Variants in PDHX observed in about 807,000 individuals in gnomAD.
The protein encoded by PDHX is pyruvate dehydrogenase complex component X.
In PDHX, 33 loss-of-function variants were observed where a neutral mutation model predicts 55.3. That is an observed-to-expected ratio of 0.60 (90% CI 0.45 to 0.80). The LOEUF (loss-of-function observed/expected upper bound fraction) is 0.80. Ranked by LOEUF, PDHX falls within the 30% of genes least tolerant of loss-of-function variation. The pLI, the probability that PDHX is intolerant of heterozygous loss-of-function variation, is 0.00. For missense variants in PDHX, 622 were observed against 619.9 expected, an observed-to-expected ratio of 1.00 and a Z score of -0.04; for synonymous variants, 226 against 219.4, an observed-to-expected ratio of 1.03 and a Z score of -0.27.
chr11:34,925,987 A>G (rs78772895), intron 1 of PDHX, among the ~76,000 whole-genome samples: 1,853 of 152,300 alleles, frequency 0.012, 31 homozygotes, highest in African/African-American at 0.043. Flanking sequence ...TATATTGCTT[A>G]TGGGTTATCT....
chr11:34,926,577 A>G (rs1404438723), intron 1 of PDHX, among the ~76,000 whole-genome samples: 1 of 152,140 alleles, frequency 6.6e-6, no homozygotes, highest in Non-Finnish European at 1.5e-5. Context: ...TCCCTTAATT[A>G]CTTTAGTCAG....
chr11:34,941,228 C>T (rs534839957), intron 2 of PDHX, among the ~76,000 whole-genome samples: 1 of 152,104 alleles, frequency 6.6e-6, no homozygotes, highest in Non-Finnish European at 1.5e-5. Context: ...TATTATCCTT[C>T]TTTGTGTGTG....
Position 34,992,285 on chromosome 11 carries a change from G to T in PDHX, c.1183-30G>T, listed in dbSNP as rs1336403917. On this transcript the variant is annotated intron_variant, in intron 9 of 10. Transcript: ENST00000227868. ...AGATCAACTGTATAACATTTTGTTGGTTGTCCTATTCTGTTTGTATTTTTC... is the reference window on the plus strand; with the variant it reads ...AGATCAACTGTATAACATTTTGTTGTTTGTCCTATTCTGTTTGTATTTTTC... The T allele has an allele frequency of 6.6e-6, 9 of 1,365,338 alleles. No individual in the cohort carries two copies. In the Admixed American group the frequency reaches 1.2e-4, roughly 18 times the overall value. 84.6% of individuals were successfully genotyped at this position (1,365,338 alleles called of 1,614,324 possible). A position where few individuals can be genotyped will look rare whatever the true frequency, so the allele number is the denominator to read the frequency against.
chr11:34,968,167 C>T (rs890867932), intron 6 of PDHX, among the ~76,000 whole-genome samples: 2 of 148,172 alleles, frequency 1.3e-5, no homozygotes, highest in East Asian at 2.0e-4. Flanking sequence ...ACTACTCAGG[C>T]GGTGGAGATT....
intron 9 of PDHX, among the ~76,000 whole-genome samples, chr11:34,988,412 A>T (rs534466745): frequency 1.3e-5 from 2 of 152,190 alleles, no homozygotes; most frequent in Admixed American, 6.5e-5. Flanking sequence ...TAAGTGATGT[A>T]GCCAGCATCT....
In PDHX at chr11:34,984,648, G is replaced by GCAA; in HGVS notation, c.1105_1107dup (p.Thr369dup). 6.2e-7 allele frequency: 1 copy of GCAA among 1,613,984 alleles called. No homozygotes were observed. Among genetic ancestry groups the GCAA allele is most frequent in the Non-Finnish European group, 8.5e-7 (1 of 1,179,896 alleles). Reference sequence around the variant, plus strand: ...ATTTATTGACATTTCAGTGGCTGTGGCAACAGATAAAGGCTTACTTACTCC... The same window carrying GCAA: ...ATTTATTGACATTTCAGTGGCTGTGGCAACAACAGATAAAGGCTTACTTACTCC... On this transcript the variant is annotated inframe_insertion, in exon 9 of 11. Coordinates refer to ENST00000227868, the MANE Select transcript of PDHX (RefSeq NM_003477.3).
chr11:34,941,777 CG>C (rs1565153926), intron 2 of PDHX: 3 of 154,392 alleles, frequency 1.9e-5, no homozygotes, highest in Middle Eastern at 5.2e-4. Context: ...GGGAAGCCTC[CG>C]TATACTTCAG....
chr11:34,988,619 G>A (rs1248641534), intron 9 of PDHX, among the ~76,000 whole-genome samples: 1 of 149,078 alleles, frequency 6.7e-6, no homozygotes, highest in African/African-American at 2.4e-5. Context: ...TTAACAAGAA[G>A]AATAGCTAAG....
chr11:34,987,746 GTGTA>G (rs1442810794), intron 9 of PDHX, among the ~76,000 whole-genome samples: 5 of 151,510 alleles, frequency 3.3e-5, no homozygotes, highest in East Asian at 1.9e-4. Flanking sequence ...GTGTGTGTGT[GTGTA>G]TGTGTGTGTG....
chr11:34,930,325 C>T (rs377166427), intron 1 of PDHX, among the ~76,000 whole-genome samples: 14 of 152,288 alleles, frequency 9.2e-5, no homozygotes, highest in African/African-American at 2.9e-4. Context: ...GCCTTTATCA[C>T]GAAGCCATAG....
intron 9 of PDHX, among the ~76,000 whole-genome samples, chr11:34,989,681 A>G (rs1200001350): frequency 6.6e-6 from 1 of 152,160 alleles, no homozygotes; most frequent in Admixed American, 6.5e-5. Flanking sequence ...TTCTCAGTTC[A>G]GTTGCTAATT....
At chr11:34,919,190 A>G (rs10488801) in intron 1 of PDHX, among the ~76,000 whole-genome samples, 28,831 of 152,168 alleles carry the variant, frequency 0.19, 3,900 homozygotes, top group African/African-American at 0.39. Flanking sequence ...GAGCCAAAAT[A>G]TATCCGCTTC....
Position 34,973,966 on chromosome 11 carries a change from G to A in PDHX, c.964+3680G>A, listed in dbSNP as rs567237454. 6.6e-5 allele frequency among the ~76,000 whole-genome samples: 10 copies of A among 152,102 alleles called. No individual in the cohort carries two copies. In the South Asian group the frequency reaches 1.9e-3, roughly 28 times the overall value. On this transcript the variant is annotated intron_variant, in intron 7 of 10. Coordinates refer to ENST00000227868, the MANE Select transcript of PDHX (RefSeq NM_003477.3). Reference sequence around the variant, plus strand: ...CAATAAATTTTCTCAGTTTTTGTCTGAAAAAGTCTATTTTGTCTTTCACAT... The same window carrying A: ...CAATAAATTTTCTCAGTTTTTGTCTAAAAAAGTCTATTTTGTCTTTCACAT...
intron 8 of PDHX, among the ~76,000 whole-genome samples, chr11:34,981,149 C>A (rs1415324741): frequency 6.6e-6 from 1 of 152,052 alleles, no homozygotes; most frequent in Non-Finnish European, 1.5e-5. Flanking sequence ...TCCTTCCCCC[C>A]TCCCCCAACC....
chr11:34,973,990 A>G (rs999870274), intron 7 of PDHX, among the ~76,000 whole-genome samples: 1 of 152,178 alleles, frequency 6.6e-6, no homozygotes, highest in African/African-American at 2.4e-5. Context: ...TGTCTTTCAC[A>G]TTGTTCCTTT....
chr11:34,951,443 C>T (rs910896687), intron 3 of PDHX, among the ~76,000 whole-genome samples: 1 of 152,052 alleles, frequency 6.6e-6, no homozygotes, highest in African/African-American at 2.4e-5. Context: ...TCTCTGATGG[C>T]CAGTGATGAT....
At chr11:34,934,442 G>T (rs912109676) in intron 2 of PDHX, among the ~76,000 whole-genome samples, 2 of 152,056 alleles carry the variant, frequency 1.3e-5, no homozygotes, top group African/African-American at 4.8e-5. Flanking sequence ...GGAGGAAGGT[G>T]GGGGAACCTA....
At chr11:34,985,620 A>G (rs2133999209) in intron 9 of PDHX, among the ~76,000 whole-genome samples, 1 of 152,296 alleles carries the variant, frequency 6.6e-6, no homozygotes, top group South Asian at 2.1e-4. Flanking sequence ...TTCCAAGGGT[A>G]TTTTTTGACA....
At chr11:34,932,467 A>C (rs1854201209) in intron 2 of PDHX, among the ~76,000 whole-genome samples, 1 of 152,208 alleles carries the variant, frequency 6.6e-6, no homozygotes, top group Non-Finnish European at 1.5e-5. Context: ...AATGACTCTT[A>C]CACGTAGAAA....
Sources: allele counts gnomAD v4.1 joint callset (sites outside exome capture counted in the v4.1 genomes callset), GRCh38; gene constraint gnomAD v4.1.1; transcripts MANE v1.5; gene names NCBI Gene and HGNC (gene_info 2026-07-23, HGNC 2026-07-21).